Variants in RPTOR observed in about 807,000 individuals in gnomAD.
The protein encoded by RPTOR is regulatory associated protein of MTOR complex 1.
RPTOR carries 21 observed loss-of-function variants against 169.9 expected under a neutral mutation model. The ratio of observed to expected loss-of-function variants is 0.12; its 90% CI spans 0.09 to 0.18. RPTOR has a LOEUF of 0.18. RPTOR is among the 10% of genes least tolerant of loss of function. The probability of loss-of-function intolerance (pLI) is 1.00; values close to 1 mark genes in which losing one functional copy is unlikely to be tolerated. For synonymous variants in RPTOR, 732 were observed against 753.2 expected (o/e 0.97, Z 0.46); for missense variants, 1,133 against 1,855.9 (o/e 0.61, Z 7.16).
chr17:80,908,898 C>T lies in RPTOR; in HGVS notation c.2489C>T (p.Ala830Val), dbSNP rs1244520756. The T allele has an allele frequency of 6.2e-7, 1 of 1,613,800 alleles. No homozygotes were observed. The highest frequency in any genetic ancestry group is 8.5e-7 in the Non-Finnish European group (1 of 1,179,850). The change falls in exon 21 of 34, where the codon GCC (alanine) becomes GTC (valine). Residue 830 changes from alanine (A) to valine (V), a missense_variant. Around this residue, in one of 9 missense-constraint regions of RPTOR, gnomAD observed 123 missense variants for 129.0 expected, o/e 0.95. Transcript: ENST00000306801. ...CCCTATCCAGAGGTCTCGGACGTGG[C>T]CATGAAAGTACTCAACAGCATCGCC... Reference protein sequence around the residue: ...ADPYPEVSDVAMKVLNSIAYK... With the variant: ...ADPYPEVSDVVMKVLNSIAYK...
Position 80,803,760 on chromosome 17 carries a change from AC to A in RPTOR, c.890+12252del, listed in dbSNP as rs2067187956. ...ACATCCTGATCAGGGGAAGAAACGC[AC>A]ATAAGAGGAGTGTGAATGTACCAGG... is the stretch of plus-strand genomic sequence containing the variant. On this transcript the variant is annotated intron_variant, in intron 7 of 33. Coordinates refer to ENST00000306801, the MANE Select transcript of RPTOR (RefSeq NM_020761.3). The surrounding 1 kb of genome is among the most constrained non-coding windows in gnomAD (Gnocchi z 6.2). 6.6e-6 allele frequency: 1 copy of A among 152,280 alleles called. No individual in the cohort carries two copies. The allele number at this position is 152,280 out of a possible 1,614,324, so 9.4% of individuals were successfully genotyped here.
chr17:80,744,929 T>G (rs976774220), intron 5 of RPTOR, among the ~76,000 whole-genome samples: 75 of 143,790 alleles, frequency 5.2e-4, no homozygotes, highest in South Asian at 1.4e-3. Flanking sequence ...CCCTGGTTAC[T>G]AGCAGAGCCC....
rs115521728 is a variant in RPTOR, at chr17:80,750,979, A to G, written c.655-3031A>G. Among the ~76,000 whole-genome samples the G allele has an allele frequency of 6.7e-3, 1,015 of 152,322 alleles. 11 individuals are homozygous for G. Among genetic ancestry groups the G allele is most frequent in the African/African-American group, 0.023 (965 of 41,566 alleles). ...TTATTGAAAAAGTTAAATTATATTTATTATTAAGTATATGAGAATTTGATT... is the reference window on the plus strand; with the variant it reads ...TTATTGAAAAAGTTAAATTATATTTGTTATTAAGTATATGAGAATTTGATT... On this transcript the variant is annotated intron_variant, in intron 5 of 33. Transcript: ENST00000306801.
chr17:80,793,744 C>A (rs2067073429), intron 7 of RPTOR, among the ~76,000 whole-genome samples: 1 of 152,266 alleles, frequency 6.6e-6, no homozygotes, highest in Non-Finnish European at 1.5e-5. Context: ...GCGCCACAAG[C>A]TCCACATCTC....
intron 27 of RPTOR, among the ~76,000 whole-genome samples, chr17:80,948,048 G>A (rs1028678546): frequency 3.9e-5 from 6 of 152,260 alleles, no homozygotes; most frequent in African/African-American, 1.4e-4. Flanking sequence ...GCCTGTTGCT[G>A]ATGAGAAGTC....
At chr17:80,841,242 G>A (rs1281980181) in intron 10 of RPTOR, among the ~76,000 whole-genome samples, 11 of 92,242 alleles carry the variant, frequency 1.2e-4, no homozygotes, top group Non-Finnish European at 1.9e-4. Flanking sequence ...TCACCGCACG[G>A]CAGCTCACTC....
chr17:80,830,823 T>G (rs561628180), intron 9 of RPTOR, among the ~76,000 whole-genome samples: 3 of 151,730 alleles, frequency 2.0e-5, no homozygotes, highest in African/African-American at 7.3e-5. Flanking sequence ...TGATCTTGGC[T>G]CACTGCAGCC....
At chr17:80,963,211 T>A (rs557557093) in intron 33 of RPTOR, among the ~76,000 whole-genome samples, 154 bp downstream of exon 33, 43 of 152,092 alleles carry the variant, frequency 2.8e-4, no homozygotes, top group African/African-American at 9.2e-4. Context: ...GGTCCCAGGA[T>A]CTCTAGGGCC....
chr17:80,823,371 C>CGACG lies in RPTOR; in HGVS notation c.1136+148_1136+149insGACG. 1.1e-6 allele frequency: 1 copy of CGACG among 903,174 alleles called. No individual in the cohort carries two copies. Among genetic ancestry groups the CGACG allele is most frequent in the South Asian group, 2.2e-5 (1 of 44,874 alleles). The allele number at this position is 903,174 out of a possible 1,614,324, so 55.9% of individuals were successfully genotyped here. A position where few individuals can be genotyped will look rare whatever the true frequency, so the allele number is the denominator to read the frequency against. The stretch of plus-strand genomic sequence containing the variant: ...TTAACAAGTGAAGCTAAATGCAGGG[C>CGACG]TCCCAGAGATCTCCACACAGAGGAG... On this transcript the variant is annotated intron_variant, in intron 9 of 33. Coordinates refer to ENST00000306801, the MANE Select transcript of RPTOR (RefSeq NM_020761.3). This position sits in a 1 kb window ranked among gnomAD's most constrained non-coding sequence, Gnocchi z 4.5.
intron 2 of RPTOR, among the ~76,000 whole-genome samples, chr17:80,642,759 A>T (rs1159858158): frequency 6.6e-6 from 1 of 152,194 alleles, no homozygotes; most frequent in Non-Finnish European, 1.5e-5. Flanking sequence ...GATTATGTAA[A>T]ATAGCATTTT....
chr17:80,941,029 G>T (rs936149328), intron 25 of RPTOR, among the ~76,000 whole-genome samples: 1 of 152,214 alleles, frequency 6.6e-6, no homozygotes, highest in Non-Finnish European at 1.5e-5. Context: ...GTGTCGTTGC[G>T]CCAGGCCCTA....
At chr17:80,958,505 G>T (rs572320214) in intron 29 of RPTOR, among the ~76,000 whole-genome samples, 1 of 147,132 alleles carries the variant, frequency 6.8e-6, no homozygotes, top group Non-Finnish European at 1.5e-5. Flanking sequence ...CCGCCTCCTG[G>T]GTTCATGCCA....
At chr17:80,580,468 G>T (rs1021718196) in intron 1 of RPTOR, among the ~76,000 whole-genome samples, 3 of 152,204 alleles carry the variant, frequency 2.0e-5, no homozygotes, top group African/African-American at 7.2e-5. Flanking sequence ...CAATTAAGTA[G>T]ACGCTTGACC....
At chr17:80,735,695 T>C (rs2066428410) in intron 5 of RPTOR, among the ~76,000 whole-genome samples, 1 of 152,100 alleles carries the variant, frequency 6.6e-6, no homozygotes. Flanking sequence ...GTAAAGATAA[T>C]AATGCCTTTC....
At chr17:80,768,485 A>G (rs1255788837) in intron 6 of RPTOR, among the ~76,000 whole-genome samples, 1 of 152,226 alleles carries the variant, frequency 6.6e-6, no homozygotes, top group Non-Finnish European at 1.5e-5. Context: ...TTGGGCTCTC[A>G]TAGCTACTGA....
chr17:80,879,103 G>A (rs536711285), intron 13 of RPTOR, among the ~76,000 whole-genome samples: 5 of 152,130 alleles, frequency 3.3e-5, no homozygotes, highest in South Asian at 2.1e-4. Context: ...GAGCAGCCCT[G>A]CTTGTGTCTC....
chr17:80,959,635 C>G lies in RPTOR; in HGVS notation c.3478-443C>G, dbSNP rs887134633. ...CCCCTCCTGGACTCGTCCCATAGCT[C>G]ATTAGAAGTTCTGAGACGCAGCCAG... On this transcript the variant is annotated intron_variant, in intron 29 of 33. Coordinates refer to ENST00000306801, the MANE Select transcript of RPTOR (RefSeq NM_020761.3). This position sits in a 1 kb window ranked among gnomAD's most constrained non-coding sequence, Gnocchi z 6.7. Among the ~76,000 whole-genome samples, 14 of 152,362 alleles carry G rather than the reference C, an allele frequency of 9.2e-5. No homozygotes were observed. Among genetic ancestry groups the G allele is most frequent in the African/African-American group, 3.4e-4 (14 of 41,586 alleles).
At chr17:80,660,143 C>T (rs192443042) in intron 3 of RPTOR, among the ~76,000 whole-genome samples, 3 of 151,744 alleles carry the variant, frequency 2.0e-5, no homozygotes, top group African/African-American at 2.4e-5. Context: ...TGGTGGTGGG[C>T]GCCTGTAATC....
intron 7 of RPTOR, chr17:80,801,673 A>T (rs1316678906): frequency 6.6e-6 from 1 of 152,266 alleles, no homozygotes; most frequent in Non-Finnish European, 1.5e-5. Context: ...CAACATAAAT[A>T]TACAATATTG....
Sources: allele counts gnomAD v4.1 joint callset (sites outside exome capture counted in the v4.1 genomes callset), GRCh38; gene constraint gnomAD v4.1.1; regional missense constraint gnomAD v4.1.1; non-coding constraint Gnocchi (gnomAD v3.1); transcripts MANE v1.5; gene names NCBI Gene and HGNC (gene_info 2026-07-23, HGNC 2026-07-21).